BMPER: variants seen among roughly 807,000 people sequenced by gnomAD.
BMPER encodes BMP-binding endothelial regulator protein.
Under a neutral mutation model 87.3 loss-of-function variants are expected in BMPER, and 45 were observed. The observed-to-expected ratio is 0.52, with a 90% CI of 0.41 to 0.66. BMPER has a LOEUF of 0.66. Among genes scored for constraint, BMPER ranks in the 30% least tolerant of loss-of-function variants. The pLI, the probability that BMPER is intolerant of heterozygous loss-of-function variation, is 0.00. For missense variants in BMPER, 784 were observed against 867.5 expected (o/e 0.90, Z 1.21); for synonymous variants, 326 against 316.2 (o/e 1.03, Z -0.33).
chr7:34,000,286 A>G (rs1160545363), intron 6 of BMPER, among the ~76,000 whole-genome samples: 1 of 152,174 alleles, frequency 6.6e-6, no homozygotes, highest in East Asian at 1.9e-4. Flanking sequence ...ATTCAATGTT[A>G]TAAAAGAAAA....
At chr7:34,009,757 C>T (rs553475986) in intron 6 of BMPER, among the ~76,000 whole-genome samples, 1 of 151,960 alleles carries the variant, frequency 6.6e-6, no homozygotes, top group South Asian at 2.1e-4. Flanking sequence ...TCCAAGTCTC[C>T]TCTTTTGGCT....
At chr7:33,929,020 C>T (rs536911477) in intron 2 of BMPER, among the ~76,000 whole-genome samples, 21 of 152,256 alleles carry the variant, frequency 1.4e-4, no homozygotes, top group African/African-American at 5.1e-4. Flanking sequence ...TGAATTTCTT[C>T]ATGGGATATG....
At chr7:34,055,740 A>G (rs891241251) in intron 9 of BMPER, among the ~76,000 whole-genome samples, 1 of 152,200 alleles carries the variant, frequency 6.6e-6, no homozygotes, top group African/African-American at 2.4e-5. Flanking sequence ...GAAGATATTC[A>G]GATAAGGATG....
intron 13 of BMPER, among the ~76,000 whole-genome samples, chr7:34,129,661 A>AAAGAAAGAAAGAAAGG: frequency 6.6e-6 from 1 of 151,702 alleles, no homozygotes; most frequent in Admixed American, 6.6e-5. Flanking sequence ...AGAAAGAAAG[A>AAAGAAAGAAAGAAAGG]AAGAAAGAAA....
intron 13 of BMPER, among the ~76,000 whole-genome samples, chr7:34,138,680 C>G (rs1176561156): frequency 6.6e-6 from 1 of 152,128 alleles, no homozygotes; most frequent in Admixed American, 6.5e-5. Context: ...GGCCTGATTC[C>G]TTTGTTATTT....
At chr7:34,007,283 G>A (rs1786759960) in intron 6 of BMPER, among the ~76,000 whole-genome samples, 1 of 152,020 alleles carries the variant, frequency 6.6e-6, no homozygotes, top group African/African-American at 2.4e-5. Flanking sequence ...CTCTTAAGGG[G>A]CTTTGAATCT....
intron 12 of BMPER, among the ~76,000 whole-genome samples, chr7:34,082,624 G>C (rs1479675558): frequency 6.6e-6 from 1 of 152,104 alleles, no homozygotes; most frequent in East Asian, 1.9e-4. Context: ...TTTTGAGAAG[G>C]GTTTACTGGA....
chr7:34,067,837 G>A (rs1788633661), intron 11 of BMPER, among the ~76,000 whole-genome samples: 1 of 152,200 alleles, frequency 6.6e-6, no homozygotes, highest in Non-Finnish European at 1.5e-5. Context: ...TGTTTTATAT[G>A]CTGTTCTGCT....
chr7:34,083,737 A>G (rs1157346664), intron 12 of BMPER, among the ~76,000 whole-genome samples: 1 of 151,350 alleles, frequency 6.6e-6, no homozygotes, highest in Non-Finnish European at 1.5e-5. Flanking sequence ...TCCACACATC[A>G]CTCTGATGTT....
intron 6 of BMPER, among the ~76,000 whole-genome samples, chr7:33,995,288 G>T (rs1199982736): frequency 6.6e-6 from 1 of 152,034 alleles, no homozygotes; most frequent in Admixed American, 6.5e-5. Flanking sequence ...AGAGCAAGAG[G>T]CTCTCATCCA....
At chr7:33,984,291 C>A (rs948892759) in intron 6 of BMPER, among the ~76,000 whole-genome samples, 1 of 152,014 alleles carries the variant, frequency 6.6e-6, no homozygotes, top group African/African-American at 2.4e-5. Context: ...TATGGTGAAA[C>A]CCTGTCTCTA....
chr7:34,153,083 C>T lies in BMPER; in HGVS notation c.1877-9C>T, dbSNP rs1395114381. 6.2e-7 allele frequency: 1 copy of T among 1,613,830 alleles called. No individual in the cohort carries two copies. The highest frequency in any genetic ancestry group is 1.3e-5 in the African/African-American group (1 of 74,892). ...CCATGTTATGCCTTTGTCTCCTTCTCTTTTTCAGCCACCCAGTGTAAGCAT... is the reference window on the plus strand; with the variant it reads ...CCATGTTATGCCTTTGTCTCCTTCTTTTTTTCAGCCACCCAGTGTAAGCAT... On this transcript the variant is annotated splice_polypyrimidine_tract_variant and intron_variant, in intron 14 of 14. Coordinates refer to ENST00000649409, the MANE Select transcript of BMPER (RefSeq NM_001365308.1).
chr7:33,910,072 A>C (rs371226674), intron 2 of BMPER, among the ~76,000 whole-genome samples: 1 of 152,172 alleles, frequency 6.6e-6, no homozygotes, highest in East Asian at 1.9e-4. Flanking sequence ...AAAAAGCTTC[A>C]GTTCATCTAT....
chr7:34,124,578 C>T (rs1790351151), intron 13 of BMPER, among the ~76,000 whole-genome samples: 1 of 151,490 alleles, frequency 6.6e-6, no homozygotes, highest in Admixed American at 6.6e-5. Context: ...TTTGAAGTTT[C>T]TCAATTACAG....
chr7:34,018,970 A>T (rs1361329507), intron 6 of BMPER, among the ~76,000 whole-genome samples: 1 of 152,002 alleles, frequency 6.6e-6, no homozygotes, highest in Non-Finnish European at 1.5e-5. Context: ...AGTACCTGAT[A>T]TCCTTGTAAA....
chr7:34,070,380 C>T (rs985762029), intron 11 of BMPER, among the ~76,000 whole-genome samples: 1 of 152,108 alleles, frequency 6.6e-6, no homozygotes, highest in African/African-American at 2.4e-5. Context: ...CATTTCTCCC[C>T]CATGTTGCTA....
chr7:33,974,557 C>T, intron 5 of BMPER, 145 bp from the exon 6 acceptor site: 4 of 821,916 alleles, frequency 4.9e-6, no homozygotes, highest in African/African-American at 3.4e-5. Context: ...TTTTTCTTTT[C>T]ACTATGCAGC....
intron 6 of BMPER, among the ~76,000 whole-genome samples, chr7:33,993,235 C>T (rs1017524438): frequency 6.6e-6 from 1 of 150,710 alleles, no homozygotes; most frequent in Non-Finnish European, 1.5e-5. Context: ...TTCCATTCTC[C>T]CCATCACTTT....
intron 13 of BMPER, among the ~76,000 whole-genome samples, chr7:34,134,924 G>A (rs1187954847): frequency 6.6e-6 from 1 of 152,134 alleles, no homozygotes; most frequent in Non-Finnish European, 1.5e-5. Flanking sequence ...CTTAAAGGAG[G>A]TCTCTGTGTC....
Sources: gnomAD v4.1 joint callset for allele counts (sites outside exome capture counted in the v4.1 genomes callset) on GRCh38, gnomAD v4.1.1 for gene constraint, MANE v1.5 for transcripts, NCBI Gene and HGNC (gene_info 2026-07-23, HGNC 2026-07-21) for gene names.